Variants in THSD7A observed in about 807,000 individuals in gnomAD.
THSD7A encodes the protein thrombospondin type-1 domain-containing protein 7A.
In THSD7A, 96 loss-of-function variants were observed where a neutral mutation model predicts 231.3. That is an observed-to-expected ratio of 0.41 (90% CI 0.35 to 0.49). The LOEUF (loss-of-function observed/expected upper bound fraction) is 0.49, where lower values mean the gene tolerates loss of function less well. Ranked by LOEUF, THSD7A falls within the 20% of genes least tolerant of loss-of-function variation. THSD7A has a pLI of 0.05. For synonymous variants in THSD7A, 940 were observed against 743.3 expected (o/e 1.26, Z -4.30); for missense variants, 2,290 against 2,070.2 (o/e 1.11, Z -2.06).
At chr7:11,756,517 T>C (rs953644094) in intron 1 of THSD7A, among the ~76,000 whole-genome samples, 10 of 152,146 alleles carry the variant, frequency 6.6e-5, no homozygotes, top group Admixed American at 6.6e-4. Flanking sequence ...ACTTGTTTGG[T>C]AATTAACAGG....
At position 11,637,694 on chromosome 7, in the gene THSD7A, T is replaced by C. The variant is rs1781923016; in HGVS notation, c.191-733A>G. 6.6e-6 allele frequency among the ~76,000 whole-genome samples: 1 copy of C among 152,226 alleles called. No homozygotes were observed. Among genetic ancestry groups the C allele is most frequent in the South Asian group, 2.1e-4 (1 of 4,834 alleles). On this transcript the variant is annotated intron_variant, in intron 1 of 27. Coordinates refer to ENST00000423059, the MANE Select transcript of THSD7A (RefSeq NM_015204.3). This position sits in a 1 kb window ranked among gnomAD's most constrained non-coding sequence, Gnocchi z 4.2. ...TTGAGAGGTTATTTGGGGTCTTATT[T>C]ATTTATTCATTTCTTAAACATGAAC... is the stretch of plus-strand genomic sequence containing the variant.
At chr7:11,766,413 A>G (rs1024152140) in intron 1 of THSD7A, among the ~76,000 whole-genome samples, 1 of 152,144 alleles carries the variant, frequency 6.6e-6, no homozygotes, top group Non-Finnish European at 1.5e-5. Flanking sequence ...GGGATAAATG[A>G]AGTAGGTAAA....
chr7:11,627,947 C>T (rs947312917), intron 2 of THSD7A, among the ~76,000 whole-genome samples: 2 of 151,910 alleles, frequency 1.3e-5, no homozygotes, highest in Non-Finnish European at 2.9e-5. Context: ...GCTAAAATCA[C>T]TATCATTAAT....
chr7:11,808,932 T>C (rs1032674473), intron 1 of THSD7A, among the ~76,000 whole-genome samples: 3 of 152,134 alleles, frequency 2.0e-5, no homozygotes, highest in African/African-American at 7.2e-5. Context: ...ACTTAAACCA[T>C]ACATATAGTA....
intron 1 of THSD7A, among the ~76,000 whole-genome samples, chr7:11,717,091 A>AT (rs10544372): frequency 6.6e-6 from 1 of 151,064 alleles, no homozygotes; most frequent in Non-Finnish European, 1.5e-5. Context: ...GAAAGCTAAC[A>AT]TTTTTTATTA....
rs149913847 is a variant in THSD7A, at chr7:11,528,860, A to G, written c.1822+12559T>C. ...TCCTGGTGACTTTTTTTTTGAAGATATATTTTCCTCAGCTTCGACTTAACA... is the reference window on the plus strand; with the variant it reads ...TCCTGGTGACTTTTTTTTTGAAGATGTATTTTCCTCAGCTTCGACTTAACA... On this transcript the variant is annotated intron_variant, in intron 6 of 27. Transcript: ENST00000423059. Among the ~76,000 whole-genome samples the G allele has an allele frequency of 1.9e-3, 290 of 152,188 alleles. 1 individual carries two copies. Among genetic ancestry groups the G allele is most frequent in the African/African-American group, 6.2e-3 (257 of 41,546 alleles).
intron 6 of THSD7A, among the ~76,000 whole-genome samples, chr7:11,514,771 A>C (rs1471074987): frequency 6.6e-6 from 1 of 152,160 alleles, no homozygotes; most frequent in Non-Finnish European, 1.5e-5. Flanking sequence ...TTAGTTGCTT[A>C]ATTAAAAATA....
At chr7:11,787,363 A>T (rs1279539920) in intron 1 of THSD7A, among the ~76,000 whole-genome samples, 1 of 152,096 alleles carries the variant, frequency 6.6e-6, no homozygotes, top group Non-Finnish European at 1.5e-5. Context: ...AATTTTTTTT[A>T]GATGTAACAC....
In THSD7A at chr7:11,831,280, C is replaced by T. The variant is rs1330849222; in HGVS notation, c.190+477G>A. Reference sequence around the variant, plus strand: ...CCCATTTGCCTTTAATTGTTGGAACCGCCCTCACTTGGCTTGTTTCTGAGG... The same window carrying T: ...CCCATTTGCCTTTAATTGTTGGAACTGCCCTCACTTGGCTTGTTTCTGAGG... On this transcript the variant is annotated intron_variant, in intron 1 of 27. Transcript: ENST00000423059. The surrounding 1 kb of genome is among the most constrained non-coding windows in gnomAD (Gnocchi z 5.0). 6.6e-6 allele frequency among the ~76,000 whole-genome samples: 1 copy of T among 152,190 alleles called. No homozygotes were observed. The highest frequency in any genetic ancestry group is 6.5e-5 in the Admixed American group (1 of 15,276).
At chr7:11,702,559 C>T (rs1236312610) in intron 1 of THSD7A, among the ~76,000 whole-genome samples, 1 of 151,080 alleles carries the variant, frequency 6.6e-6, no homozygotes, top group East Asian at 2.0e-4. Context: ...CTGGGCAGGC[C>T]GATCTGGATA....
chr7:11,498,175 C>G (rs768174486), intron 6 of THSD7A, among the ~76,000 whole-genome samples: 2 of 152,128 alleles, frequency 1.3e-5, no homozygotes, highest in Non-Finnish European at 2.9e-5. Context: ...CCATAACAGC[C>G]CACAGACCCC....
intron 4 of THSD7A, among the ~76,000 whole-genome samples, chr7:11,553,615 G>C (rs541341902): frequency 1.3e-5 from 2 of 152,016 alleles, no homozygotes; most frequent in South Asian, 4.1e-4. Context: ...ACTTCTTTTT[G>C]ATTTCTCAGA....
At position 11,648,064 on chromosome 7, in the gene THSD7A, A is replaced by T. The variant is rs138341869; in HGVS notation, c.191-11103T>A. Reference sequence around the variant, plus strand: ...TTCATTGAACACTCATATGCAATTTATCTAGACTTCTGTATTTCTAATCAA... The same window carrying T: ...TTCATTGAACACTCATATGCAATTTTTCTAGACTTCTGTATTTCTAATCAA... On this transcript the variant is annotated intron_variant, in intron 1 of 27. Coordinates refer to ENST00000423059, the MANE Select transcript of THSD7A (RefSeq NM_015204.3). Among the ~76,000 whole-genome samples, 254 of 152,228 alleles carry T rather than the reference A, an allele frequency of 1.7e-3. 1 individual carries two copies. Among genetic ancestry groups the T allele is most frequent in the African/African-American group, 5.7e-3 (238 of 41,568 alleles).
In THSD7A at chr7:11,749,663, C is replaced by T. The variant is rs116326310; in HGVS notation, c.190+82094G>A. ...GTGGAAACTTGAGAAGATAGGTGGTCGTGATAAGTCCCTTGTAGGTATGCT... is the reference window on the plus strand; with the variant it reads ...GTGGAAACTTGAGAAGATAGGTGGTTGTGATAAGTCCCTTGTAGGTATGCT... On this transcript the variant is annotated intron_variant, in intron 1 of 27. Coordinates refer to ENST00000423059, the MANE Select transcript of THSD7A (RefSeq NM_015204.3). Among the ~76,000 whole-genome samples the T allele has an allele frequency of 9.8e-3, 1,485 of 151,994 alleles. 19 individuals carry two copies. The highest frequency in any genetic ancestry group is 0.033 in the African/African-American group (1,381 of 41,488).
At chr7:11,603,470 C>T (rs1469488687) in intron 2 of THSD7A, among the ~76,000 whole-genome samples, 6 of 151,886 alleles carry the variant, frequency 4.0e-5, no homozygotes, top group Non-Finnish European at 5.9e-5. Flanking sequence ...GTCAGTGTGG[C>T]GATTCCTCAG....
At chr7:11,761,682 C>A (rs1015463097) in intron 1 of THSD7A, among the ~76,000 whole-genome samples, 1 of 152,036 alleles carries the variant, frequency 6.6e-6, no homozygotes, top group Non-Finnish European at 1.5e-5. Context: ...TTCTAACAAC[C>A]CTTTAATCTT....
intron 13 of THSD7A, among the ~76,000 whole-genome samples, chr7:11,441,771 T>C (rs1056430374): frequency 3.3e-5 from 5 of 151,354 alleles, no homozygotes; most frequent in South Asian, 4.2e-4. Flanking sequence ...TAAGTGGGAG[T>C]TGAACAATGA....
intron 1 of THSD7A, among the ~76,000 whole-genome samples, chr7:11,796,680 T>C (rs1374881470): frequency 6.6e-6 from 1 of 152,066 alleles, no homozygotes; most frequent in East Asian, 1.9e-4. Flanking sequence ...AAAAGTAATT[T>C]TTCTTTTCTA....
chr7:11,424,122 G>A (rs1351612380), intron 16 of THSD7A, among the ~76,000 whole-genome samples: 1 of 151,918 alleles, frequency 6.6e-6, no homozygotes, highest in African/African-American at 2.4e-5. Flanking sequence ...GCCACATGTG[G>A]CTATGGAGCA....
Sources: gnomAD v4.1 joint callset for allele counts (sites outside exome capture counted in the v4.1 genomes callset) on GRCh38, gnomAD v4.1.1 for gene constraint, Gnocchi (gnomAD v3.1) non-coding constraint, MANE v1.5 for transcripts, NCBI Gene and HGNC (gene_info 2026-07-23, HGNC 2026-07-21) for gene names.